FSTL4: variants seen among roughly 807,000 people sequenced by gnomAD.
FSTL4 encodes the protein follistatin-related protein 4.
In FSTL4, 28 loss-of-function variants were observed where a neutral mutation model predicts 78.2. The ratio of observed to expected loss-of-function variants is 0.36; its 90% CI spans 0.27 to 0.49. FSTL4 has a LOEUF of 0.49. Among genes scored for constraint, FSTL4 ranks in the 20% least tolerant of loss-of-function variants. The pLI is 0.98. For synonymous variants in FSTL4, 422 were observed against 440.5 expected, an observed-to-expected ratio of 0.96 and a Z score of 0.53; for missense variants, 922 against 1,084.9, an observed-to-expected ratio of 0.85 and a Z score of 2.11.
At chr5:133,262,629 A>T (rs765754603) in intron 6 of FSTL4, among the ~76,000 whole-genome samples, 10 of 152,180 alleles carry the variant, frequency 6.6e-5, no homozygotes, top group Non-Finnish European at 1.5e-4. Flanking sequence ...TGCAGGCTGC[A>T]CTGCCCAGCC....
chr5:133,382,601 G>A (rs1283708331), intron 4 of FSTL4, among the ~76,000 whole-genome samples: 1 of 152,216 alleles, frequency 6.6e-6, no homozygotes, highest in Non-Finnish European at 1.5e-5. Context: ...GCTGGCTCAT[G>A]TGGGGTTGAC....
intron 3 of FSTL4, among the ~76,000 whole-genome samples, chr5:133,554,393 G>T (rs1272933730): frequency 6.6e-6 from 1 of 152,164 alleles, no homozygotes; most frequent in Non-Finnish European, 1.5e-5. Flanking sequence ...TGACACTCGC[G>T]TCCTAATGGA....
chr5:133,539,901 T>C (rs891962451), intron 3 of FSTL4, among the ~76,000 whole-genome samples: 5 of 152,112 alleles, frequency 3.3e-5, no homozygotes, highest in Non-Finnish European at 7.4e-5. Flanking sequence ...GGCTGGGTCA[T>C]AGAGCCCAAA....
At chr5:133,805,183 C>CT in the FSTL4 span, among the ~76,000 whole-genome samples, 1 of 151,992 alleles carries the variant, frequency 6.6e-6, no homozygotes, top group African/African-American at 2.4e-5. Flanking sequence ...CCCCATTGAG[C>CT]TTGAGAGCCA....
At chr5:133,375,807 T>C (rs1321044961) in intron 4 of FSTL4, among the ~76,000 whole-genome samples, 1 of 152,222 alleles carries the variant, frequency 6.6e-6, no homozygotes. Context: ...ATTGACATGA[T>C]TTAAAGTGAT....
chr5:133,305,038 G>C (rs1382385597), intron 6 of FSTL4, among the ~76,000 whole-genome samples: 2 of 152,204 alleles, frequency 1.3e-5, no homozygotes, highest in Non-Finnish European at 1.5e-5. Flanking sequence ...AGCCAAAAAG[G>C]ACAGAGTCCA....
At chr5:133,396,216 C>T (rs1022199025) in intron 4 of FSTL4, among the ~76,000 whole-genome samples, 10 of 152,194 alleles carry the variant, frequency 6.6e-5, no homozygotes, top group Non-Finnish European at 4.4e-5. Flanking sequence ...TACAACGGCA[C>T]CAGCATCATC....
At chr5:133,201,380 C>T (rs958005625) in intron 15 of FSTL4, among the ~76,000 whole-genome samples, 15 of 152,086 alleles carry the variant, frequency 9.9e-5, no homozygotes, top group Admixed American at 3.9e-4. Flanking sequence ...AGCCTTGTCT[C>T]GTTGTGGGCT....
chr5:133,428,019 C>A (rs1756863561), intron 3 of FSTL4, among the ~76,000 whole-genome samples: 1 of 152,178 alleles, frequency 6.6e-6, no homozygotes, highest in Non-Finnish European at 1.5e-5. Context: ...ACCCAGATAT[C>A]AACTTGTGTG....
intron 4 of FSTL4, among the ~76,000 whole-genome samples, chr5:133,390,248 G>A (rs1366967521): frequency 6.6e-6 from 1 of 152,260 alleles, no homozygotes; most frequent in Non-Finnish European, 1.5e-5. Flanking sequence ...TTACCTGCAA[G>A]CAAAGTGATT....
At chr5:133,504,678 C>T (rs919145865) in intron 3 of FSTL4, among the ~76,000 whole-genome samples, 1 of 152,198 alleles carries the variant, frequency 6.6e-6, no homozygotes, top group African/African-American at 2.4e-5. Flanking sequence ...CTCTTCTCAG[C>T]TCCCAGAGCT....
chr5:133,520,918 C>T (rs1758966645), intron 3 of FSTL4, among the ~76,000 whole-genome samples: 2 of 152,104 alleles, frequency 1.3e-5, no homozygotes, highest in Admixed American at 1.3e-4. Flanking sequence ...GGGGACTAGG[C>T]AAATATTTCT....
intron 12 of FSTL4, among the ~76,000 whole-genome samples, chr5:133,218,157 T>A (rs1750977046): frequency 6.6e-6 from 1 of 152,196 alleles, no homozygotes; most frequent in African/African-American, 2.4e-5. Flanking sequence ...ACCTGGCAAG[T>A]CTGCTGTTTT....
intron 2 of FSTL4, among the ~76,000 whole-genome samples, chr5:133,573,354 A>G (rs893941637): frequency 7.9e-5 from 12 of 152,240 alleles, no homozygotes; most frequent in Non-Finnish European, 2.9e-5. Flanking sequence ...TACAAGAGAC[A>G]TATCATAAAT....
intron 6 of FSTL4, among the ~76,000 whole-genome samples, chr5:133,296,893 TGC>T (rs1317416407): frequency 6.6e-6 from 1 of 152,224 alleles, no homozygotes; most frequent in Non-Finnish European, 1.5e-5. Flanking sequence ...GACCGCACAC[TGC>T]CTCCAGGGCT....
At chr5:133,241,577 G>A (rs1049630341) in intron 7 of FSTL4, among the ~76,000 whole-genome samples, 3 of 152,222 alleles carry the variant, frequency 2.0e-5, no homozygotes, top group Non-Finnish European at 4.4e-5. Context: ...GTGTTATGTA[G>A]TAGGGGTGGC....
intron 2 of FSTL4, among the ~76,000 whole-genome samples, chr5:133,573,960 A>G (rs1260553319): frequency 6.6e-6 from 1 of 152,256 alleles, no homozygotes; most frequent in Non-Finnish European, 1.5e-5. Context: ...AGATATCAAG[A>G]GTATCTTCAT....
At chr5:133,706,364 C>T in the FSTL4 span, among the ~76,000 whole-genome samples, 1 of 152,140 alleles carries the variant, frequency 6.6e-6, no homozygotes, top group African/African-American at 2.4e-5. Context: ...TGGATGATAC[C>T]TCTTTTACCA....
chr5:133,219,498 T>C (rs188433902), intron 12 of FSTL4, among the ~76,000 whole-genome samples: 28 of 152,202 alleles, frequency 1.8e-4, no homozygotes, highest in Non-Finnish European at 2.8e-4. Flanking sequence ...TCACGCTGCC[T>C]CCTTCTGGAA....
Sources: gnomAD v4.1 joint callset for allele counts (sites outside exome capture counted in the v4.1 genomes callset) on GRCh38, gnomAD v4.1.1 for gene constraint, MANE v1.5 for transcripts, NCBI Gene and HGNC (gene_info 2026-07-23, HGNC 2026-07-21) for gene names.